The following NPAS3 variants were observed in gnomAD, a reference collection of about 807,000 sequenced individuals.
NPAS3 encodes neuronal PAS domain protein 3.
NPAS3 carries 14 observed loss-of-function variants against 73.1 expected under a neutral mutation model. That is an observed-to-expected ratio of 0.19 (90% CI 0.13 to 0.30). The LOEUF is 0.30. NPAS3 is among the 10% of genes least tolerant of loss of function. NPAS3 has a pLI of 1.00. For missense variants in NPAS3, 1,096 were observed against 1,250.0 expected (o/e 0.88, Z 1.86); for synonymous variants, 620 against 541.5 (o/e 1.14, Z -2.01).
Position 33,077,214 on chromosome 14 carries a change from G to A in NPAS3, c.140+21220G>A, listed in dbSNP as rs535379565. ...AGTGGGCTAGGAAGACCTAGAGGTG[G>A]GGTCAGGTTTGCAATTCAAAATGGG... On this transcript the variant is annotated intron_variant, in intron 2 of 11. Transcript: ENST00000356141. Among the ~76,000 whole-genome samples the A allele has an allele frequency of 2.6e-5, 4 of 152,198 alleles. No individual in the cohort carries two copies. The South Asian group carries it at 8.3e-4, about 32-fold the overall frequency.
chr14:33,160,041 A>T (rs1010600846), intron 2 of NPAS3, among the ~76,000 whole-genome samples: 1 of 152,242 alleles, frequency 6.6e-6, no homozygotes, highest in Admixed American at 6.5e-5. Flanking sequence ...ATATTATAAA[A>T]GCATTGTAGC....
chr14:33,581,008 G>T (rs1384058430), intron 5 of NPAS3, among the ~76,000 whole-genome samples: 1 of 152,142 alleles, frequency 6.6e-6, no homozygotes, highest in East Asian at 1.9e-4. Flanking sequence ...ACCTGATTTT[G>T]TTTCTACACA....
chr14:33,220,893 A>C (rs2047399320), intron 3 of NPAS3, among the ~76,000 whole-genome samples: 1 of 152,234 alleles, frequency 6.6e-6, no homozygotes, highest in Non-Finnish European at 1.5e-5. Context: ...GACTTGAAGA[A>C]AGCATATTTT....
At chr14:33,727,244 G>A (rs141043598) in intron 6 of NPAS3, among the ~76,000 whole-genome samples, 229 of 152,238 alleles carry the variant, frequency 1.5e-3, no homozygotes, top group African/African-American at 5.1e-3. Flanking sequence ...ATATAAAATA[G>A]TATATTAAAG....
chr14:33,055,843 T>C (rs1468268403), intron 1 of NPAS3, 62 bp from the exon 2 acceptor site: 27 of 755,290 alleles, frequency 3.6e-5, no homozygotes, highest in Non-Finnish European at 5.7e-5. Flanking sequence ...CTTGTTATCC[T>C]GCATTCCAGT....
intron 4 of NPAS3, among the ~76,000 whole-genome samples, chr14:33,416,657 T>A (rs569253989): frequency 6.6e-6 from 1 of 152,054 alleles, no homozygotes; most frequent in African/African-American, 2.4e-5. Context: ...TTTAAAACTT[T>A]TATTTCTTGC....
At chr14:33,439,942 C>A (rs564796612) in intron 4 of NPAS3, among the ~76,000 whole-genome samples, 4 of 151,906 alleles carry the variant, frequency 2.6e-5, no homozygotes, top group Non-Finnish European at 4.4e-5. Context: ...GGTGAAACCC[C>A]GTCTCTACTA....
chr14:33,795,465 ACT>A (rs1486871491), intron 10 of NPAS3, among the ~76,000 whole-genome samples: 1 of 152,020 alleles, frequency 6.6e-6, no homozygotes, highest in Non-Finnish European at 1.5e-5. Flanking sequence ...GGTTATAAAA[ACT>A]CACATGCCAG....
intron 5 of NPAS3, chr14:33,582,246 GA>G (rs961290592): frequency 3.1e-4 from 47 of 152,182 alleles, no homozygotes; most frequent in African/African-American, 9.6e-4. Context: ...TTTATGTTTA[GA>G]AAAAAATTTT....
chr14:33,514,516 A>ACT (rs2053210753), intron 4 of NPAS3, among the ~76,000 whole-genome samples: 1 of 152,040 alleles, frequency 6.6e-6, no homozygotes, highest in Non-Finnish European at 1.5e-5. Context: ...CTAAAAAGGC[A>ACT]TAAGTAAGTT....
intron 1 of NPAS3, among the ~76,000 whole-genome samples, chr14:33,004,334 A>G (rs781013807): frequency 6.6e-5 from 10 of 152,224 alleles, no homozygotes; most frequent in Non-Finnish European, 1.3e-4. Context: ...TATTTCTCAA[A>G]GCCTACAACA....
intron 4 of NPAS3, among the ~76,000 whole-genome samples, chr14:33,517,633 A>T (rs552800453): frequency 6.6e-6 from 1 of 152,154 alleles, no homozygotes; most frequent in South Asian, 2.1e-4. Context: ...AAGTTCTGAC[A>T]GCCTCTTGGT....
intron 2 of NPAS3, among the ~76,000 whole-genome samples, chr14:33,147,590 G>GGGGGAGT (rs1455973039): frequency 2.6e-5 from 4 of 151,076 alleles, no homozygotes; most frequent in African/African-American, 9.7e-5. Context: ...TTGTGGGGTC[G>GGGGGAGT]GGGGAGGGAT....
In NPAS3 at chr14:33,026,317, C is replaced by G. The variant is rs7359054; in HGVS notation, c.51-29588C>G. On this transcript the variant is annotated intron_variant, in intron 1 of 11. Coordinates refer to ENST00000356141, the Ensembl canonical transcript of NPAS3. ...ACCTTTCTGTGTACCTCTTATCTTG[C>G]TCACTTGCAATTGTATGTTAATCAA... Among the ~76,000 whole-genome samples, 812 of 152,320 alleles carry G rather than the reference C, an allele frequency of 5.3e-3. 9 individuals are homozygous for G. Among genetic ancestry groups the G allele is most frequent in the African/African-American group, 0.018 (753 of 41,584 alleles).
intron 3 of NPAS3, among the ~76,000 whole-genome samples, chr14:33,366,434 C>T (rs1473084391): frequency 1.3e-5 from 2 of 152,070 alleles, no homozygotes; most frequent in East Asian, 1.9e-4. Context: ...GTGGTAGGCA[C>T]CTGCAGGCAA....
chr14:33,051,369 TG>T (rs1244659017), intron 1 of NPAS3, among the ~76,000 whole-genome samples: 2 of 151,814 alleles, frequency 1.3e-5, no homozygotes, highest in Non-Finnish European at 2.9e-5. Flanking sequence ...TCAAAAACTC[TG>T]ATTATAGAGC....
At chr14:33,060,609 A>T (rs2041062150) in intron 2 of NPAS3, among the ~76,000 whole-genome samples, 1 of 152,170 alleles carries the variant, frequency 6.6e-6, no homozygotes, top group African/African-American at 2.4e-5. Flanking sequence ...TTGGAACCCC[A>T]TCCTTTTCCA....
At chr14:33,055,799 G>GT in intron 1 of NPAS3, 106 bp from the exon 2 acceptor site, 2 of 662,244 alleles carry the variant, frequency 3.0e-6, no homozygotes, top group South Asian at 1.8e-5. Flanking sequence ...GAGCTCAAAA[G>GT]CGTAAAAAGC....
intron 4 of NPAS3, among the ~76,000 whole-genome samples, chr14:33,488,201 C>T (rs547489943): frequency 6.8e-4 from 104 of 151,966 alleles, no homozygotes; most frequent in African/African-American, 2.3e-3. Context: ...CAGAAAACAG[C>T]ATCAGTAATA....
Sources: allele counts gnomAD v4.1 joint callset (sites outside exome capture counted in the v4.1 genomes callset), GRCh38; gene constraint gnomAD v4.1.1; transcripts MANE v1.5; gene names NCBI Gene and HGNC (gene_info 2026-07-23, HGNC 2026-07-21).